Variants in TRIM14 observed in about 807,000 individuals in gnomAD.
TRIM14 encodes tripartite motif containing 14, also known as tripartite motif-containing protein 14.
TRIM14 carries 28 observed loss-of-function variants against 44.5 expected under a neutral mutation model. That is an observed-to-expected ratio of 0.63 (90% CI 0.47 to 0.86). The LOEUF (loss-of-function observed/expected upper bound fraction) is 0.86, where lower values mean the gene tolerates loss of function less well. TRIM14 is among the 40% of genes least tolerant of loss of function. The probability of loss-of-function intolerance (pLI) is 0.00; values close to 1 mark genes in which losing one functional copy is unlikely to be tolerated. For synonymous variants in TRIM14, 299 were observed against 269.2 expected (o/e 1.11, Z -1.08); for missense variants, 607 against 611.1 (o/e 0.99, Z 0.07).
At chr9:98,111,177 G>C (rs766717173) in intron 1 of TRIM14, among the ~76,000 whole-genome samples, 1 of 152,174 alleles carries the variant, frequency 6.6e-6, no homozygotes, top group South Asian at 2.1e-4. Context: ...ATGCTGAATA[G>C]ATGTTTGGTG....
the TRIM14 span, among the ~76,000 whole-genome samples, chr9:98,041,877 T>C: frequency 6.8e-6 from 1 of 148,146 alleles, no homozygotes; most frequent in Non-Finnish European, 1.5e-5. Context: ...AGAGACGGGG[T>C]TTCTCCATGG....
chr9:98,086,477 G>A lies in TRIM14; in HGVS notation c.*993C>T, dbSNP rs1685577074. ...TATTAATTCACTGCTTGGGAGGGAA[G>A]GGGCTTTCTGGGAACTTTTCAGGGT... is the stretch of plus-strand genomic sequence containing the variant. On this transcript the variant is annotated 3_prime_UTR_variant, in exon 6 of 6. Transcript: ENST00000341469. The A allele has an allele frequency of 3.9e-5, 6 of 152,218 alleles. No homozygotes were observed. Among genetic ancestry groups the A allele is most frequent in the Admixed American group, 3.9e-4 (6 of 15,266 alleles). The allele number at this position is 152,218 out of a possible 1,614,324, so 9.4% of individuals were successfully genotyped here.
the TRIM14 span, among the ~76,000 whole-genome samples, chr9:98,038,728 G>T: frequency 2.6e-5 from 4 of 152,124 alleles, no homozygotes; most frequent in Non-Finnish European, 4.4e-5. Context: ...CCGCTGCTCA[G>T]CCTCACCCCA....
chr9:98,085,975 A>G lies in TRIM14; in HGVS notation c.*1495T>C, dbSNP rs1825760967. On this transcript the variant is annotated 3_prime_UTR_variant, in exon 6 of 6. Coordinates refer to ENST00000341469, the MANE Select transcript of TRIM14 (RefSeq NM_014788.4). The stretch of plus-strand genomic sequence containing the variant: ...AGGACGCAGAACCTTCAGAACGGAG[A>G]CACAAATCCCTGGAAAGAAGCCTCC... The G allele has an allele frequency of 6.6e-6, 1 of 152,196 alleles. No homozygotes were observed. The highest frequency in any genetic ancestry group is 6.5e-5 in the Admixed American group (1 of 15,278). 9.4% of individuals were successfully genotyped at this position (152,196 alleles called of 1,614,324 possible).
intron 1 of TRIM14, among the ~76,000 whole-genome samples, chr9:98,112,026 AT>A (rs1826873513): frequency 6.6e-6 from 1 of 152,172 alleles, no homozygotes; most frequent in East Asian, 1.9e-4. Context: ...CGTCTGAATC[AT>A]TTATATGGTA....
intron 2 of TRIM14, among the ~76,000 whole-genome samples, chr9:98,104,044 C>A (rs150623724): frequency 6.6e-6 from 1 of 152,074 alleles, no homozygotes; most frequent in Admixed American, 6.6e-5. Context: ...CTATCCAATG[C>A]TCCAGGCAGA....
At chr9:98,117,348 A>AGTGCGGTGGC (rs1194572459) in intron 1 of TRIM14, among the ~76,000 whole-genome samples, 1 of 151,944 alleles carries the variant, frequency 6.6e-6, no homozygotes, top group Non-Finnish European at 1.5e-5. Flanking sequence ...TCCAGGCTGG[A>AGTGCGGTGGC]GTGCGGTGGC....
downstream of TRIM14, among the ~76,000 whole-genome samples, chr9:98,065,483 A>ATTTTTTTTTTTTTTTTTTTTTTTT (rs397837187): frequency 1.7e-5 from 1 of 58,632 alleles, no homozygotes; most frequent in Non-Finnish European, 2.8e-5. Context: ...TGCCCAGCTA[A>ATTTTTTTTTTTTTTTTTTTTTTTT]TTTTTTTTTT....
chr9:98,111,883 A>C (rs1308279815), intron 1 of TRIM14, among the ~76,000 whole-genome samples: 1 of 152,196 alleles, frequency 6.6e-6, no homozygotes, highest in Non-Finnish European at 1.5e-5. Context: ...GGTTGCAGTG[A>C]GCCAAGATCA....
the TRIM14 span, among the ~76,000 whole-genome samples, chr9:98,064,223 A>T: frequency 1.3e-5 from 2 of 152,186 alleles, no homozygotes; most frequent in African/African-American, 4.8e-5. Flanking sequence ...GACATTCTTC[A>T]AATGCAGTTG....
At chr9:98,093,731 TGG>T (rs1212583687) in intron 4 of TRIM14, among the ~76,000 whole-genome samples, 1 of 130,170 alleles carries the variant, frequency 7.7e-6, no homozygotes, top group African/African-American at 3.6e-5. Flanking sequence ...CATCCTGCCC[TGG>T]TTTATTATTA....
At chr9:98,113,342 A>ACTAACAC (rs1032466853) in intron 1 of TRIM14, among the ~76,000 whole-genome samples, 4 of 152,010 alleles carry the variant, frequency 2.6e-5, no homozygotes, top group Admixed American at 1.3e-4. Context: ...TAGATAATAT[A>ACTAACAC]CTAACACCTA....
chr9:98,056,613 C>G, the TRIM14 span: 1 of 813,594 alleles, frequency 1.2e-6, no homozygotes, highest in Non-Finnish European at 1.8e-6. Flanking sequence ...GCGGGAGGCC[C>G]CGCCCCCGCC....
intron 4 of TRIM14, among the ~76,000 whole-genome samples, chr9:98,092,266 G>A (rs1459478876): frequency 2.0e-5 from 3 of 152,220 alleles, no homozygotes; most frequent in African/African-American, 7.2e-5. Context: ...GGGAAGATGT[G>A]CAGATTCCAG....
At chr9:98,037,233 C>G in the TRIM14 span, among the ~76,000 whole-genome samples, 1 of 152,060 alleles carries the variant, frequency 6.6e-6, no homozygotes, top group African/African-American at 2.4e-5. Flanking sequence ...CAAAAATAAG[C>G]TGGGTGTGGT....
intron 1 of TRIM14, among the ~76,000 whole-genome samples, chr9:98,117,521 T>C (rs1277229620): frequency 6.6e-6 from 1 of 152,108 alleles, no homozygotes; most frequent in African/African-American, 2.4e-5. Flanking sequence ...CCTCAAACCC[T>C]TGGCCTCATG....
the TRIM14 span, among the ~76,000 whole-genome samples, chr9:98,049,663 C>T: frequency 6.6e-6 from 1 of 152,216 alleles, no homozygotes; most frequent in South Asian, 2.1e-4. Context: ...CTCTCATTGC[C>T]ATCTTGGTTT....
Position 98,119,007 on chromosome 9 carries a change from G to T in TRIM14, c.182C>A (p.Ala61Glu), listed in dbSNP as rs542320588. Residue 61 changes from alanine (A) to glutamate (E), a missense_variant, in exon 1 of 6, where the codon GCG becomes GAG. Transcript: ENST00000341469. ...GAHRGHPVGL[A>E]LEAAVHVQKL... ...CTGCACGTGCACCGCTGCCTCCAGC[G>T]CCAGGCCCACAGGGTGGCCACGGTG... is the stretch of plus-strand genomic sequence containing the variant. 3 of 1,560,718 alleles carry T rather than the reference G, an allele frequency of 1.9e-6. No homozygotes were observed. In the East Asian group the frequency reaches 7.4e-5, roughly 39 times the overall value.
At position 98,072,778 on chromosome 9, in the gene TRIM14, A is replaced by T. The variant is rs559241941; in HGVS notation, c.*29-3091T>A. ...TGCCCTCTGTCAAACTGTTGGAGGT[A>T]GATTGGTTCCTTGTTCTGTATTTAC... On this transcript the variant is annotated intron_variant, in intron 6 of 6. Transcript: ENST00000375098. Among the ~76,000 whole-genome samples, 6 of 152,278 alleles carry T rather than the reference A, an allele frequency of 3.9e-5. No individual in the cohort carries two copies. In the South Asian group the frequency reaches 1.2e-3, roughly 32 times the overall value.
Sources: gnomAD v4.1 joint callset for allele counts (sites outside exome capture counted in the v4.1 genomes callset) on GRCh38, gnomAD v4.1.1 for gene constraint, MANE v1.5 for transcripts, NCBI Gene and HGNC (gene_info 2026-07-23, HGNC 2026-07-21) for gene names.